Variants in DLG2 observed in about 807,000 individuals in gnomAD.
The protein encoded by DLG2 is disks large homolog 2.
A neutral mutation model predicts 132.5 loss-of-function variants in DLG2; 45 were observed. That is an observed-to-expected ratio of 0.34 (90% confidence interval 0.27 to 0.44). DLG2 has a LOEUF of 0.44. Ranked by LOEUF, DLG2 falls within the 20% of genes least tolerant of loss-of-function variation. DLG2 has a pLI of 1.00. For synonymous variants in DLG2, 424 were observed against 419.6 expected, an observed-to-expected ratio of 1.01 and a Z score of -0.13; for missense variants, 1,045 against 1,196.9, an observed-to-expected ratio of 0.87 and a Z score of 1.87.
chr11:84,159,751 G>A (rs2095505543), intron 9 of DLG2, among the ~76,000 whole-genome samples: 1 of 152,216 alleles, frequency 6.6e-6, no homozygotes, highest in Non-Finnish European at 1.5e-5. Context: ...CAGGGTAAAA[G>A]TGGAAGCTAT....
At chr11:85,500,333 T>C (rs1029160289) in intron 3 of DLG2, among the ~76,000 whole-genome samples, 10 of 133,142 alleles carry the variant, frequency 7.5e-5, no homozygotes, top group East Asian at 4.2e-4. Context: ...TAGGTGGGAA[T>C]TGAACAATGA....
At chr11:84,897,538 G>A (rs971476094) in intron 6 of DLG2, among the ~76,000 whole-genome samples, 5 of 151,554 alleles carry the variant, frequency 3.3e-5, no homozygotes, top group Non-Finnish European at 5.9e-5. Context: ...CTGGTATCTG[G>A]CAACCATGAT....
chr11:84,265,235 A>T (rs1531006), intron 7 of DLG2, among the ~76,000 whole-genome samples: 149,368 of 152,310 alleles, frequency 0.98, 73,243 homozygotes, highest in East Asian at 1. Flanking sequence ...ATATTTGGGA[A>T]AATATTTAAA....
At chr11:84,163,570 C>T (rs921951731) in intron 8 of DLG2, 59 bp from the exon 9 acceptor site, 1 of 1,405,742 alleles carries the variant, frequency 7.1e-7, no homozygotes, top group African/African-American at 1.5e-5. Flanking sequence ...GAGGAGACAG[C>T]TGCATTTTAA....
At chr11:85,598,510 T>C (rs1276379902) in intron 3 of DLG2, 147 bp downstream of exon 3, 2 of 463,650 alleles carry the variant, frequency 4.3e-6, no homozygotes, top group South Asian at 9.1e-5. Flanking sequence ...AAAAACAAAA[T>C]AAAACAAAAC....
Position 85,499,430 on chromosome 11 carries a change from T to C in DLG2, c.40+99227A>G. Among the ~76,000 whole-genome samples, 2 of 151,850 alleles carry C rather than the reference T, an allele frequency of 1.3e-5. 1 individual carries two copies. Among genetic ancestry groups the C allele is most frequent in the South Asian group, 4.2e-4 (2 of 4,802 alleles). ...AATCTCTGAATAGACCAATAATAGG[T>C]TCTGAAATTGAAACAATAATTAATA... On this transcript the variant is annotated intron_variant, in intron 3 of 27. Coordinates refer to ENST00000376104, the MANE Select transcript of DLG2 (RefSeq NM_001142699.3).
At chr11:84,439,366 T>C (rs938193599) in intron 7 of DLG2, among the ~76,000 whole-genome samples, 2 of 152,174 alleles carry the variant, frequency 1.3e-5, no homozygotes, top group Admixed American at 6.5e-5. Context: ...ACCGGATACA[T>C]AGGCTGTGGT....
chr11:84,020,915 T>C (rs1265515086), intron 11 of DLG2, among the ~76,000 whole-genome samples: 3 of 152,186 alleles, frequency 2.0e-5, no homozygotes, highest in African/African-American at 7.2e-5. Flanking sequence ...TTTTTCACTA[T>C]GGATACTACT....
intron 11 of DLG2, among the ~76,000 whole-genome samples, chr11:83,983,832 A>T (rs1433279149): frequency 6.6e-6 from 1 of 152,098 alleles, no homozygotes; most frequent in African/African-American, 2.4e-5. Context: ...TTTAAAATAC[A>T]TATCAGCTCA....
At chr11:84,874,315 G>T (rs2085970801) in intron 6 of DLG2, among the ~76,000 whole-genome samples, 1 of 152,208 alleles carries the variant, frequency 6.6e-6, no homozygotes, top group African/African-American at 2.4e-5. Flanking sequence ...ATCCTTGGGA[G>T]AAAGAGAGGC....
chr11:83,523,368 T>A (rs574326872), intron 21 of DLG2, among the ~76,000 whole-genome samples: 19 of 152,352 alleles, frequency 1.2e-4, no homozygotes, highest in African/African-American at 4.6e-4. Flanking sequence ...CTATTTATAT[T>A]ACTTTAGTCT....
At chr11:84,169,771 G>T (rs1213664696) in intron 8 of DLG2, among the ~76,000 whole-genome samples, 4 of 151,986 alleles carry the variant, frequency 2.6e-5, no homozygotes, top group African/African-American at 9.7e-5. Flanking sequence ...TACTCTGGAG[G>T]CTGAGGCATG....
At position 85,500,931 on chromosome 11, in the gene DLG2, A is replaced by G. The variant is rs1024826619; in HGVS notation, c.40+97726T>C. Among the ~76,000 whole-genome samples the G allele has an allele frequency of 2.6e-5, 4 of 152,222 alleles. No individual in the cohort carries two copies. The East Asian group carries it at 7.7e-4, about 29-fold the overall frequency. On this transcript the variant is annotated intron_variant, in intron 3 of 27. Transcript: ENST00000376104. Reference sequence around the variant, plus strand: ...TGGAAAAAAATACTTTAAATTTCATATGCAACCATAAAAGAGCTCCCATAG... The same window carrying G: ...TGGAAAAAAATACTTTAAATTTCATGTGCAACCATAAAAGAGCTCCCATAG...
intron 7 of DLG2, among the ~76,000 whole-genome samples, chr11:84,408,560 G>A (rs984515571): frequency 6.6e-6 from 1 of 151,988 alleles, no homozygotes; most frequent in Non-Finnish European, 1.5e-5. Flanking sequence ...CGGGGGTTAT[G>A]GCTATGTGCA....
chr11:84,036,182 C>G (rs1479418620), intron 11 of DLG2, among the ~76,000 whole-genome samples: 1 of 151,880 alleles, frequency 6.6e-6, no homozygotes, highest in Non-Finnish European at 1.5e-5. Context: ...AACACTGAAT[C>G]TTCGGGAACT....
chr11:84,866,859 A>G (rs1319312108), intron 6 of DLG2, among the ~76,000 whole-genome samples: 1 of 152,220 alleles, frequency 6.6e-6, no homozygotes, highest in Non-Finnish European at 1.5e-5. Flanking sequence ...TGGCACGAGA[A>G]GAGTTCAAGT....
intron 7 of DLG2, among the ~76,000 whole-genome samples, chr11:84,271,113 A>G (rs1182939992): frequency 6.6e-6 from 1 of 152,184 alleles, no homozygotes; most frequent in Non-Finnish European, 1.5e-5. Context: ...GTTTATAAAG[A>G]GTTATTCTTA....
chr11:84,201,938 C>T (rs894377073), intron 8 of DLG2, among the ~76,000 whole-genome samples: 4 of 147,294 alleles, frequency 2.7e-5, no homozygotes. Context: ...CCTGCCTCAG[C>T]CTCCTGAGTA....
intron 5 of DLG2, among the ~76,000 whole-genome samples, chr11:85,129,155 G>C (rs2075441219): frequency 6.6e-6 from 1 of 152,156 alleles, no homozygotes; most frequent in African/African-American, 2.4e-5. Context: ...AGTTAAACTT[G>C]AAACTGGACA....
Sources: allele counts gnomAD v4.1 joint callset (sites outside exome capture counted in the v4.1 genomes callset), GRCh38; gene constraint gnomAD v4.1.1; transcripts MANE v1.5; gene names NCBI Gene and HGNC (gene_info 2026-07-23, HGNC 2026-07-21).